Variants in IGF2R observed in about 807,000 individuals in gnomAD.
The protein encoded by IGF2R is insulin like growth factor 2 receptor, also known as cation-independent mannose-6-phosphate receptor.
In IGF2R, 91 loss-of-function variants were observed where a neutral mutation model predicts 270.6. The observed-to-expected ratio is 0.34, with a 90% CI of 0.28 to 0.40. The LOEUF (loss-of-function observed/expected upper bound fraction) is 0.40. IGF2R is among the 10% of genes least tolerant of loss of function. IGF2R has a pLI of 1.00. For synonymous variants in IGF2R, 1,316 were observed against 1,258.9 expected (o/e 1.05, Z -0.96); for missense variants, 2,805 against 3,188.3 (o/e 0.88, Z 2.90).
chr6:160,094,133 A>G, intron 44 of IGF2R: 1 of 430,320 alleles, frequency 2.3e-6, no homozygotes, highest in Non-Finnish European at 4.5e-6. Flanking sequence ...AACAACCCCA[A>G]ATATGTTCTG....
chr6:160,070,130 G>C, intron 31 of IGF2R, 72 bp downstream of exon 31: 2 of 1,420,836 alleles, frequency 1.4e-6, no homozygotes, highest in South Asian at 1.2e-5. Flanking sequence ...GCGGTGAGCC[G>C]CACGTCCTCA....
intron 30 of IGF2R, among the ~76,000 whole-genome samples, chr6:160,069,427 G>A (rs1336066563): frequency 6.6e-6 from 1 of 152,148 alleles, no homozygotes; most frequent in Non-Finnish European, 1.5e-5. Flanking sequence ...TACCCCTGTG[G>A]CATGGGACTA....
At chr6:159,988,771 T>C (rs1293480783) in intron 1 of IGF2R, among the ~76,000 whole-genome samples, 1 of 152,182 alleles carries the variant, frequency 6.6e-6, no homozygotes, top group African/African-American at 2.4e-5. Context: ...TTTGTTTACT[T>C]GTTTATCTTG....
At chr6:160,063,694 G>C (rs112091442) in intron 27 of IGF2R, 64 bp downstream of exon 27, 2 of 1,258,986 alleles carry the variant, frequency 1.6e-6, no homozygotes. Context: ...AAAATATTTT[G>C]CTGAAGATGA....
intron 35 of IGF2R, among the ~76,000 whole-genome samples, chr6:160,074,926 G>C (rs1778822733): frequency 6.6e-6 from 1 of 152,208 alleles, no homozygotes; most frequent in Non-Finnish European, 1.5e-5. Flanking sequence ...TGACAGCGCA[G>C]ACCGGGGATC....
intron 42 of IGF2R, among the ~76,000 whole-genome samples, 171 bp downstream of exon 42, chr6:160,088,318 CAGTGCTG>C (rs1029332977): frequency 1.3e-5 from 2 of 152,228 alleles, no homozygotes; most frequent in African/African-American, 4.8e-5. Context: ...CCTCCAGATA[CAGTGCTG>C]AGACACTGTT....
chr6:160,080,911 A>G (rs1374403512), intron 39 of IGF2R, among the ~76,000 whole-genome samples: 4 of 151,148 alleles, frequency 2.6e-5, no homozygotes, highest in African/African-American at 2.4e-5. Flanking sequence ...AGGTCAGGAG[A>G]TTGAGACCAT....
In IGF2R at chr6:160,048,538, G is replaced by T. The variant is rs1295675297; in HGVS notation, c.2509G>T (p.Asp837Tyr). 3 of 1,613,532 alleles carry T rather than the reference G, an allele frequency of 1.9e-6. No homozygotes were observed. The highest frequency in any genetic ancestry group is 2.5e-6 in the Non-Finnish European group (3 of 1,179,828). Reference protein sequence around the residue: ...ASACQMKYEKDQGSFTEVVSI... With the variant: ...ASACQMKYEKYQGSFTEVVSI... ...GGCTTGCCAGATGAAGTATGAAAAA[G>T]ATCAGGTGAATCTGTTTTCACTGCT... The change falls in exon 18 of 48, where the codon GAT (aspartate) becomes TAT (tyrosine). Residue 837 changes from aspartate to tyrosine, a missense_variant. This residue lies in a region of IGF2R where 1,851 missense variants were observed against 2,207.2 expected (regional missense o/e 0.84). Coordinates refer to ENST00000356956, the MANE Select transcript of IGF2R (RefSeq NM_000876.4).
At chr6:160,093,598 C>CTG (rs1327157951) in intron 44 of IGF2R, 1 of 690,250 alleles carries the variant, frequency 1.4e-6, no homozygotes, top group African/African-American at 1.8e-5. Context: ...CAGTGGGGGA[C>CTG]TGGATCATCA....
At chr6:160,032,814 G>A in intron 8 of IGF2R, 101 bp downstream of exon 8, 1 of 1,429,552 alleles carries the variant, frequency 7.0e-7, no homozygotes. Context: ...ATGCTTCTGG[G>A]TTGGAGAGAG....
intron 1 of IGF2R, among the ~76,000 whole-genome samples, chr6:159,989,199 G>T (rs1307261914): frequency 6.6e-6 from 1 of 152,120 alleles, no homozygotes; most frequent in Non-Finnish European, 1.5e-5. Flanking sequence ...TTGGCAGGGG[G>T]GTTTGATGGG....
intron 2 of IGF2R, among the ~76,000 whole-genome samples, chr6:160,008,257 AT>A: frequency 6.6e-6 from 1 of 151,958 alleles, no homozygotes; most frequent in Non-Finnish European, 1.5e-5. Flanking sequence ...ATGGAAAACT[AT>A]TTTGTTTCCA....
Position 160,024,624 on chromosome 6 carries a change from T to C in IGF2R, c.566T>C (p.Leu189Pro). ...EELRKHDLNP[L>P]IKLSGAYLVD... ...TTGAGGAAGCATGATCTCAATCCTC[T>C]GATCAAGCTTAGTGGTGCCTACTTG... The change falls in exon 5 of 48, where the codon CTG becomes CCG. Residue 189 changes from leucine to proline, a missense_variant. Physicochemically the swap from Leu to Pro is moderately conservative, Grantham distance 98 (BLOSUM62 -3). Coordinates refer to ENST00000356956, the MANE Select transcript of IGF2R (RefSeq NM_000876.4). 6.2e-7 allele frequency: 1 copy of C among 1,613,984 alleles called. No individual in the cohort carries two copies. Among genetic ancestry groups the C allele is most frequent in the Non-Finnish European group, 8.5e-7 (1 of 1,179,822 alleles).
chr6:160,025,632 C>T (rs1159468815), intron 5 of IGF2R, among the ~76,000 whole-genome samples: 1 of 152,042 alleles, frequency 6.6e-6, no homozygotes, highest in Non-Finnish European at 1.5e-5. Context: ...AGTAAATATA[C>T]CCCATTCAGG....
At chr6:160,032,897 A>G (rs1309512837) in intron 8 of IGF2R, 45 bp from the exon 9 acceptor site, 4 of 1,484,244 alleles carry the variant, frequency 2.7e-6, no homozygotes, top group African/African-American at 1.4e-5. Context: ...TCTAATACCT[A>G]TTCATATAAA....
chr6:160,093,800 C>T (rs532133891), intron 44 of IGF2R: 47 of 737,430 alleles, frequency 6.4e-5, no homozygotes, highest in Middle Eastern at 3.4e-4. Flanking sequence ...CAAGATCTCT[C>T]GTGATGAGCT....
intron 44 of IGF2R, among the ~76,000 whole-genome samples, chr6:160,092,683 C>T (rs1779252943): frequency 6.6e-6 from 1 of 152,234 alleles, no homozygotes; most frequent in Non-Finnish European, 1.5e-5. Flanking sequence ...CCACATCAGC[C>T]CTGTGGAACA....
At position 160,061,577 on chromosome 6, in the gene IGF2R, G is replaced by T; in HGVS notation, c.3337G>T (p.Val1113Phe). ...ACCTTGGACGGCTGTTGACACCTCT[G>T]TCGATGGGAGAAAGAGGACTTTCTA... ...RKPWTAVDTS[V>F]DGRKRTFYLS... The change falls in exon 24 of 48, where the codon GTC becomes TTC. Residue 1113 changes from valine (V) to phenylalanine (F), a missense_variant. Coordinates refer to ENST00000356956, the MANE Select transcript of IGF2R (RefSeq NM_000876.4). The T allele has an allele frequency of 6.2e-7, 1 of 1,613,936 alleles. No homozygotes were observed. Among genetic ancestry groups the T allele is most frequent in the Non-Finnish European group, 8.5e-7 (1 of 1,179,804 alleles).
At position 160,009,117 on chromosome 6, in the gene IGF2R, C is replaced by G. The variant is rs749941647; in HGVS notation, c.397C>G (p.Leu133Val). 6.2e-7 allele frequency: 1 copy of G among 1,613,846 alleles called. No individual in the cohort carries two copies. The highest frequency in any genetic ancestry group is 8.5e-7 in the Non-Finnish European group (1 of 1,179,896). ...CAGAGTCCAGAGCAGCATTGCCTTC[C>G]TGTGTGGGAAAACCCTGGTGAGTCC... is the stretch of plus-strand genomic sequence containing the variant. ...NHRVQSSIAFLCGKTLGTPEF... is the reference protein window; with the variant it reads ...NHRVQSSIAFVCGKTLGTPEF... The change falls in exon 3 of 48, where the codon CTG (leucine) becomes GTG (valine). Residue 133 changes from leucine to valine, a missense_variant. Leu to Val is a conservative substitution (Grantham distance 32). Around this residue, in one of 2 missense-constraint regions of IGF2R, gnomAD observed 954 missense variants for 981.1 expected, o/e 0.97. Coordinates refer to ENST00000356956, the MANE Select transcript of IGF2R (RefSeq NM_000876.4).
Sources: gnomAD v4.1 joint callset for allele counts (sites outside exome capture counted in the v4.1 genomes callset) on GRCh38, gnomAD v4.1.1 for gene constraint, gnomAD v4.1.1 regional missense constraint, MANE v1.5 for transcripts, NCBI Gene and HGNC (gene_info 2026-07-23, HGNC 2026-07-21) for gene names.